The following UBE2E2 variants were observed in gnomAD, a reference collection of about 807,000 sequenced individuals.
UBE2E2 encodes ubiquitin conjugating enzyme E2 E2.
A neutral mutation model predicts 24.7 loss-of-function variants in UBE2E2; 6 were observed. The ratio of observed to expected loss-of-function variants is 0.24; its 90% CI spans 0.13 to 0.48. The LOEUF is 0.48. Ranked by LOEUF, UBE2E2 falls within the 20% of genes least tolerant of loss-of-function variation. The pLI is 0.99. For missense variants in UBE2E2, 169 were observed against 245.0 expected, an observed-to-expected ratio of 0.69 and a Z score of 2.07; for synonymous variants, 104 against 83.6, an observed-to-expected ratio of 1.24 and a Z score of -1.33.
At chr3:23,332,318 A>G (rs558289776) in intron 3 of UBE2E2, among the ~76,000 whole-genome samples, 1 of 151,996 alleles carries the variant, frequency 6.6e-6, no homozygotes, top group East Asian at 1.9e-4. Flanking sequence ...TAATTTTTGT[A>G]TTTTTAGTAG....
chr3:23,464,676 T>C (rs1003887700), intron 3 of UBE2E2, among the ~76,000 whole-genome samples: 1 of 152,198 alleles, frequency 6.6e-6, no homozygotes, highest in Admixed American at 6.5e-5. Context: ...CAAATAGTTA[T>C]GAGGGCACAG....
intron 5 of UBE2E2, among the ~76,000 whole-genome samples, chr3:23,580,180 G>T (rs893840768): frequency 3.3e-4 from 50 of 152,216 alleles, no homozygotes; most frequent in African/African-American, 1.1e-3. Context: ...TAAGACAGTG[G>T]CAGGATTTAA....
chr3:23,276,122 C>T (rs1698370648), intron 3 of UBE2E2, among the ~76,000 whole-genome samples: 1 of 152,112 alleles, frequency 6.6e-6, no homozygotes, highest in African/African-American at 2.4e-5. Flanking sequence ...AGGTGGCTAT[C>T]TGGCATGTAC....
intron 4 of UBE2E2, among the ~76,000 whole-genome samples, chr3:23,511,111 A>C (rs1694584801): frequency 6.6e-6 from 1 of 152,130 alleles, no homozygotes; most frequent in African/African-American, 2.4e-5. Flanking sequence ...GTAGAATAGG[A>C]TTTTTTCAAC....
At chr3:23,267,094 A>C (rs1363826258) in intron 3 of UBE2E2, among the ~76,000 whole-genome samples, 1 of 152,056 alleles carries the variant, frequency 6.6e-6, no homozygotes. Flanking sequence ...TGCCCACAAG[A>C]GAAAGCAGGA....
intron 3 of UBE2E2, among the ~76,000 whole-genome samples, chr3:23,325,015 C>T (rs1047855373): frequency 6.6e-6 from 1 of 152,078 alleles, no homozygotes; most frequent in Non-Finnish European, 1.5e-5. Flanking sequence ...TTTCTGCCGC[C>T]AAGCAGGACT....
chr3:23,512,534 C>G (rs1166861858), intron 4 of UBE2E2, among the ~76,000 whole-genome samples: 1 of 152,040 alleles, frequency 6.6e-6, no homozygotes, highest in African/African-American at 2.4e-5. Flanking sequence ...CCACTGCACC[C>G]AACCAGCCAT....
At chr3:23,523,163 C>G (rs1054624556) in intron 4 of UBE2E2, among the ~76,000 whole-genome samples, 1 of 152,160 alleles carries the variant, frequency 6.6e-6, no homozygotes, top group Non-Finnish European at 1.5e-5. Context: ...TCTATATAAA[C>G]TGAATTTTTA....
intron 3 of UBE2E2, among the ~76,000 whole-genome samples, chr3:23,377,402 G>A (rs746485472): frequency 2.8e-4 from 42 of 152,142 alleles, no homozygotes; most frequent in Admixed American, 2.8e-3. Flanking sequence ...ACTAACTGGT[G>A]CCTGATCATT....
chr3:23,222,465 G>A (rs891085867), intron 3 of UBE2E2, among the ~76,000 whole-genome samples: 8 of 152,106 alleles, frequency 5.3e-5, no homozygotes, highest in African/African-American at 1.9e-4. Flanking sequence ...ATTGAATCAT[G>A]GGGGTGGTAT....
At chr3:23,519,254 T>C (rs1430205679) in intron 4 of UBE2E2, among the ~76,000 whole-genome samples, 3 of 152,118 alleles carry the variant, frequency 2.0e-5, no homozygotes, top group African/African-American at 7.2e-5. Context: ...CCAAGGTTTT[T>C]TTTTTTGCTA....
At chr3:23,398,647 A>T (rs139350010) in intron 3 of UBE2E2, among the ~76,000 whole-genome samples, 109 of 152,328 alleles carry the variant, frequency 7.2e-4, no homozygotes, top group Non-Finnish European at 1.1e-3. Context: ...TCAAAATGAT[A>T]CTTTACTTAG....
At chr3:23,569,507 T>A (rs1292924382) in intron 5 of UBE2E2, among the ~76,000 whole-genome samples, 1 of 152,222 alleles carries the variant, frequency 6.6e-6, no homozygotes, top group Non-Finnish European at 1.5e-5. Context: ...AAGCTGTTTT[T>A]AAAAACCTAG....
At chr3:23,432,065 T>C (rs952240149) in intron 3 of UBE2E2, among the ~76,000 whole-genome samples, 83 of 152,174 alleles carry the variant, frequency 5.5e-4, no homozygotes, top group African/African-American at 1.8e-3. Flanking sequence ...TACAGAAAAT[T>C]TGGATAAATG....
At chr3:23,445,809 T>C (rs1209299512) in intron 3 of UBE2E2, among the ~76,000 whole-genome samples, 2 of 152,202 alleles carry the variant, frequency 1.3e-5, no homozygotes, top group Non-Finnish European at 2.9e-5. Flanking sequence ...CAGACTTATT[T>C]GTTGGCACAT....
At chr3:23,315,005 A>G (rs1694531139) in intron 3 of UBE2E2, among the ~76,000 whole-genome samples, 1 of 152,054 alleles carries the variant, frequency 6.6e-6, no homozygotes, top group Non-Finnish European at 1.5e-5. Context: ...TAGGCTTGGG[A>G]AGTTCTTTGT....
At chr3:23,345,490 G>T (rs897373679) in intron 3 of UBE2E2, among the ~76,000 whole-genome samples, 2 of 152,086 alleles carry the variant, frequency 1.3e-5, no homozygotes, top group African/African-American at 4.8e-5. Flanking sequence ...TTAGAGCTTT[G>T]ATTGCAATAA....
chr3:23,553,760 A>G lies in UBE2E2; in HGVS notation c.508+21059A>G, dbSNP rs547572447. Among the ~76,000 whole-genome samples the G allele has an allele frequency of 1.8e-4, 27 of 152,310 alleles. No homozygotes were observed. In the East Asian group the frequency reaches 4.8e-3, roughly 27 times the overall value. On this transcript the variant is annotated intron_variant, in intron 5 of 5. Transcript: ENST00000396703. ...ATGGCATTTCTGTACACAAGTGACA[A>G]CCTAGCCAAGAAAAGAAATCAAAAC... is the stretch of plus-strand genomic sequence containing the variant.
At chr3:23,543,653 C>T (rs976582708) in intron 5 of UBE2E2, among the ~76,000 whole-genome samples, 1 of 152,002 alleles carries the variant, frequency 6.6e-6, no homozygotes, top group Non-Finnish European at 1.5e-5. Context: ...CCAAAGCAAT[C>T]TACAGATTCA....
Sources: allele counts gnomAD v4.1 joint callset (sites outside exome capture counted in the v4.1 genomes callset), GRCh38; gene constraint gnomAD v4.1.1; transcripts MANE v1.5; gene names NCBI Gene and HGNC (gene_info 2026-07-23, HGNC 2026-07-21).